The following OCA2 variants were observed in gnomAD, a reference collection of about 807,000 sequenced individuals.
OCA2 encodes the protein OCA2 melanosomal transmembrane protein.
In OCA2, 77 loss-of-function variants were observed where a neutral mutation model predicts 100.2. That is an observed-to-expected ratio of 0.77 (90% CI 0.64 to 0.93). The LOEUF (loss-of-function observed/expected upper bound fraction) is 0.93. Ranked by LOEUF, OCA2 falls within the 40% of genes least tolerant of loss-of-function variation. The probability of loss-of-function intolerance (pLI) is 0.00; values close to 1 mark genes in which losing one functional copy is unlikely to be tolerated. For synonymous variants in OCA2, 432 were observed against 439.2 expected (o/e 0.98, Z 0.21); for missense variants, 1,062 against 1,089.1 (o/e 0.98, Z 0.35).
At chr15:27,770,857 T>TC (rs2031726925) in intron 23 of OCA2, among the ~76,000 whole-genome samples, 2 of 77,988 alleles carry the variant, frequency 2.6e-5, no homozygotes, top group African/African-American at 1.3e-4. Flanking sequence ...TTCCTTCCTT[T>TC]CTTCCTTCCT....
chr15:27,953,203 A>G (rs887740256), intron 17 of OCA2, among the ~76,000 whole-genome samples: 1 of 152,242 alleles, frequency 6.6e-6, no homozygotes, highest in Non-Finnish European at 1.5e-5. Context: ...AGACACACAG[A>G]GGTAGAGCTA....
In OCA2 at chr15:28,071,230, C is replaced by A. The variant is rs370647424; in HGVS notation, c.227+10418G>T. On this transcript the variant is annotated intron_variant, in intron 2 of 23. Transcript: ENST00000354638. ...AGCTAACCAAGGAGTTGAAAGATTT[C>A]TATAAGCACTACAAAACATTGCTGA... Among the ~76,000 whole-genome samples, 17 of 150,672 alleles carry A rather than the reference C, an allele frequency of 1.1e-4. No homozygotes were observed. In the South Asian group the frequency reaches 2.9e-3, roughly 26 times the overall value.
At chr15:27,951,931 C>A (rs2040044781) in intron 17 of OCA2, 39 bp from the exon 18 acceptor site, 4 of 1,327,784 alleles carry the variant, frequency 3.0e-6, no homozygotes, top group Non-Finnish European at 4.3e-6. Flanking sequence ...CTCTGCACAA[C>A]CTTCTGACTC....
rs145662614 is a variant in OCA2, at chr15:28,036,587, G to A, written c.228-4424C>T. Among the ~76,000 whole-genome samples, 116 of 152,254 alleles carry A rather than the reference G, an allele frequency of 7.6e-4. 1 individual carries two copies. Among genetic ancestry groups the A allele is most frequent in the African/African-American group, 2.7e-3 (112 of 41,574 alleles). On this transcript the variant is annotated intron_variant, in intron 2 of 23. Transcript: ENST00000354638. Reference sequence around the variant, plus strand: ...GAGATGGAAACAGTTTCTTGCCCATGCCTCTGCCTCTTCTGCCCTCTTCTT... The same window carrying A: ...GAGATGGAAACAGTTTCTTGCCCATACCTCTGCCTCTTCTGCCCTCTTCTT...
At chr15:27,944,081 G>C (rs568461320) in intron 18 of OCA2, among the ~76,000 whole-genome samples, 1 of 152,238 alleles carries the variant, frequency 6.6e-6, no homozygotes, top group Non-Finnish European at 1.5e-5. Flanking sequence ...CTTGACTATG[G>C]AAATTATCGT....
At chr15:28,070,316 G>T (rs2044199872) in intron 2 of OCA2, among the ~76,000 whole-genome samples, 1 of 145,106 alleles carries the variant, frequency 6.9e-6, no homozygotes, top group Non-Finnish European at 1.5e-5. Context: ...GAGGTGGGGG[G>T]GGGTCAGCCC....
At chr15:27,908,963 C>T (rs1357666979) in intron 19 of OCA2, among the ~76,000 whole-genome samples, 2 of 152,162 alleles carry the variant, frequency 1.3e-5, no homozygotes, top group African/African-American at 4.8e-5. Flanking sequence ...CAGCCAAGGA[C>T]TAACCTGGCA....
chr15:27,886,143 C>T (rs77379240), intron 19 of OCA2, among the ~76,000 whole-genome samples: 1,964 of 152,258 alleles, frequency 0.013, 39 homozygotes, highest in African/African-American at 0.04. Flanking sequence ...AGAAGGCCAC[C>T]GTGTCTGGGG....
chr15:27,952,147 G>A lies in OCA2; in HGVS notation c.1843-255C>T, dbSNP rs533336360. On this transcript the variant is annotated intron_variant, in intron 17 of 23. Transcript: ENST00000354638. ...CAGCCCTGTTATGAAACACCTGGCC[G>A]GCAGGTATCAGAGGATGACGGGGCG... Among the ~76,000 whole-genome samples the A allele has an allele frequency of 1.8e-4, 27 of 152,288 alleles. No individual in the cohort carries two copies. In the South Asian group the frequency reaches 4.1e-3, roughly 23 times the overall value.
At chr15:27,845,990 T>C (rs946446731) in intron 22 of OCA2, among the ~76,000 whole-genome samples, 7 of 152,144 alleles carry the variant, frequency 4.6e-5, no homozygotes, top group Admixed American at 4.6e-4. Context: ...GGGTGAGCAG[T>C]GTGCCCAGGT....
chr15:27,948,718 G>A (rs1371463617), intron 18 of OCA2, among the ~76,000 whole-genome samples: 1 of 152,092 alleles, frequency 6.6e-6, no homozygotes. Context: ...CACCCTCCTC[G>A]GCCTTCCAAA....
intron 21 of OCA2, among the ~76,000 whole-genome samples, chr15:27,864,648 G>C (rs1950601304): frequency 6.6e-6 from 1 of 152,120 alleles, no homozygotes; most frequent in South Asian, 2.1e-4. Context: ...CATAGATAAT[G>C]ATGAGTGCCA....
intron 23 of OCA2, among the ~76,000 whole-genome samples, chr15:27,831,239 T>C (rs1346204329): frequency 2.2e-5 from 3 of 135,672 alleles, no homozygotes; most frequent in Non-Finnish European, 4.6e-5. Context: ...CGAGCCGAGA[T>C]TGTGCCACTG....
chr15:27,748,384 G>A, the OCA2 span, among the ~76,000 whole-genome samples: 1 of 152,024 alleles, frequency 6.6e-6, no homozygotes, highest in Non-Finnish European at 1.5e-5. Context: ...GCCTGACCTG[G>A]GTATTTTCTC....
chr15:28,051,595 CTTTT>C (rs11292828), intron 2 of OCA2, among the ~76,000 whole-genome samples: 2 of 82,484 alleles, frequency 2.4e-5, no homozygotes, highest in East Asian at 5.3e-4. Flanking sequence ...CCTGGCCTTC[CTTTT>C]TTTTTTTTTT....
intron 19 of OCA2, among the ~76,000 whole-genome samples, chr15:27,918,514 C>A (rs536760389): frequency 6.6e-6 from 1 of 152,290 alleles, no homozygotes; most frequent in South Asian, 2.1e-4. Context: ...GGTTTCTGCA[C>A]AAAAAGTGCC....
At chr15:28,025,414 T>A (rs1050941842) in intron 4 of OCA2, among the ~76,000 whole-genome samples, 1 of 152,168 alleles carries the variant, frequency 6.6e-6, no homozygotes, top group African/African-American at 2.4e-5. Context: ...TAATTAACCA[T>A]CAAGCCACAC....
intron 23 of OCA2, among the ~76,000 whole-genome samples, chr15:27,817,335 A>G (rs1185576192): frequency 6.6e-6 from 1 of 152,212 alleles, no homozygotes; most frequent in East Asian, 1.9e-4. Flanking sequence ...CCTCAGAGCC[A>G]TCTGCTGCCT....
chr15:27,849,313 T>A (rs2035660129), intron 22 of OCA2, among the ~76,000 whole-genome samples: 1 of 152,216 alleles, frequency 6.6e-6, no homozygotes, highest in Non-Finnish European at 1.5e-5. Flanking sequence ...AGCCTCTAGA[T>A]AACTGCAGCA....
Sources: allele counts gnomAD v4.1 joint callset (sites outside exome capture counted in the v4.1 genomes callset), GRCh38; gene constraint gnomAD v4.1.1; transcripts MANE v1.5; gene names NCBI Gene and HGNC (gene_info 2026-07-23, HGNC 2026-07-21).